PRSS55: variants seen among roughly 807,000 people sequenced by gnomAD.
PRSS55 encodes the protein serine protease 55, also known as probable serine protease UNQ9391/PRO34284.
In PRSS55, 41 loss-of-function variants were observed where a neutral mutation model predicts 23.6. The observed-to-expected ratio is 1.74, with a 90% CI of 1.35 to 2.26. The LOEUF (loss-of-function observed/expected upper bound fraction) is 2.26, where lower values mean the gene tolerates loss of function less well. Among genes scored for constraint, PRSS55 ranks in the 30% most tolerant of loss-of-function variants. The pLI is 0.00. For synonymous variants in PRSS55, 262 were observed against 175.5 expected, an observed-to-expected ratio of 1.49 and a Z score of -3.90; for missense variants, 669 against 439.1, an observed-to-expected ratio of 1.52 and a Z score of -4.68.
rs769284920 is a variant in PRSS55, at chr8:10,531,293, A to G, written c.348-2A>G. On this transcript the variant is annotated splice_acceptor_variant, in intron 2 of 4. Transcript: ENST00000328655. LOFTEE classifies it high-confidence loss of function. ...TGCCCCTCTCTGGTTCTCTGCCACC[A>G]GTCCAGAAGAACTGAGTGTCGTGCT... 13 of 1,612,862 alleles carry G rather than the reference A, an allele frequency of 8.1e-6. No homozygotes were observed. Among genetic ancestry groups the G allele is most frequent in the Admixed American group, 3.3e-5 (2 of 59,996 alleles).
intron 3 of PRSS55, chr8:10,531,754 T>C (rs753241995): frequency 6.4e-6 from 4 of 622,726 alleles, no homozygotes; most frequent in Non-Finnish European, 1.1e-5. Flanking sequence ...TGCAGTCTGA[T>C]CCAGCTAGCA....
intron 2 of PRSS55, 68 bp from the exon 3 acceptor site, chr8:10,531,227 G>A: frequency 1.9e-6 from 3 of 1,586,438 alleles, no homozygotes; most frequent in Non-Finnish European, 8.6e-7. Context: ...TCTGGGCACA[G>A]CCAATTCTGC....
At position 10,531,401 on chromosome 8, in the gene PRSS55, A is replaced by C; in HGVS notation, c.454A>C (p.Asn152His). The C allele has an allele frequency of 6.2e-7, 1 of 1,614,248 alleles. No individual in the cohort carries two copies. Among genetic ancestry groups the C allele is most frequent in the Non-Finnish European group, 8.5e-7 (1 of 1,180,050 alleles). ...IILHKDFKRA[N>H]MDNDIALLLL... ...TCTTCACAAAGACTTTAAGAGAGCCAACATGGACAATGACATTGCCTTGCT... is the reference window on the plus strand; with the variant it reads ...TCTTCACAAAGACTTTAAGAGAGCCCACATGGACAATGACATTGCCTTGCT... Residue 152 changes from asparagine to histidine, a missense_variant, in exon 3 of 5, where the codon AAC becomes CAC. Physicochemically the swap from Asn to His is moderately conservative, Grantham distance 68. Coordinates refer to ENST00000328655, the MANE Select transcript of PRSS55 (RefSeq NM_198464.4).
chr8:10,536,320 T>C (rs1812451570), intron 4 of PRSS55, among the ~76,000 whole-genome samples: 1 of 152,084 alleles, frequency 6.6e-6, no homozygotes, highest in South Asian at 2.1e-4. Context: ...TGAGATATCA[T>C]CCCATACCAG....
downstream of PRSS55, chr8:10,540,708 C>CT: frequency 6.6e-6 from 1 of 152,024 alleles, no homozygotes; most frequent in Non-Finnish European, 1.5e-5. Context: ...AGAGTGAACT[C>CT]TATCTCCAAA....
intron 2 of PRSS55, among the ~76,000 whole-genome samples, chr8:10,529,916 T>A (rs979409976): frequency 6.6e-6 from 1 of 152,174 alleles, no homozygotes; most frequent in Non-Finnish European, 1.5e-5. Flanking sequence ...AGCCAGTGAC[T>A]ACAACCTCCC....
chr8:10,543,457 T>A (rs991885001), downstream of PRSS55, among the ~76,000 whole-genome samples: 2 of 29,998 alleles, frequency 6.7e-5, no homozygotes, highest in Non-Finnish European at 1.9e-4. Context: ...CCTTCCTTCC[T>A]TCCTTCCTTT....
At chr8:10,527,262 G>T (rs576902296) in intron 1 of PRSS55, among the ~76,000 whole-genome samples, 1 of 152,316 alleles carries the variant, frequency 6.6e-6, no homozygotes, top group Non-Finnish European at 1.5e-5. Flanking sequence ...CACCCCTAGC[G>T]TTTAGCTTGT....
intron 4 of PRSS55, among the ~76,000 whole-genome samples, chr8:10,547,806 C>T (rs1812855318): frequency 7.1e-6 from 1 of 141,480 alleles, no homozygotes; most frequent in South Asian, 2.5e-4. Flanking sequence ...CAAACATTTG[C>T]CGAGAGTCTT....
At chr8:10,549,856 GCT>G in intron 4 of PRSS55, among the ~76,000 whole-genome samples, 1 of 152,330 alleles carries the variant, frequency 6.6e-6, no homozygotes, top group Admixed American at 6.5e-5. Context: ...TCCCGGCCTG[GCT>G]CTCAGTCTTT....
intron 3 of PRSS55, 148 bp downstream of exon 3, chr8:10,531,693 T>G (rs1175793248): frequency 1.7e-6 from 2 of 1,189,686 alleles, no homozygotes; most frequent in African/African-American, 3.1e-5. Flanking sequence ...TTAGCTCCTT[T>G]TGGGTGCCGA....
chr8:10,526,991 CAG>C (rs1812047488), intron 1 of PRSS55, among the ~76,000 whole-genome samples: 2 of 152,102 alleles, frequency 1.3e-5, no homozygotes, highest in Non-Finnish European at 2.9e-5. Context: ...GCATCTCAGA[CAG>C]AGAGACAGAG....
chr8:10,538,886 G>C (rs544237705), downstream of PRSS55: 117 of 1,301,806 alleles, frequency 9.0e-5, no homozygotes, highest in South Asian at 1.7e-3. Flanking sequence ...GCTCAAGGAT[G>C]GAAATTGAGG....
exon 5 of PRSS55, chr8:10,554,129 C>T (rs1019496310): frequency 1.4e-6 from 1 of 690,092 alleles, no homozygotes; most frequent in African/African-American, 1.8e-5. Flanking sequence ...TGTTTTCTGT[C>T]CAAATGACTG....
chr8:10,547,601 A>T (rs1812850655), intron 4 of PRSS55: 1 of 152,322 alleles, frequency 6.6e-6, no homozygotes, highest in South Asian at 2.1e-4. Context: ...CCCCGTTAGC[A>T]GGCACTACCC....
intron 4 of PRSS55, among the ~76,000 whole-genome samples, chr8:10,534,752 A>T (rs1304408490): frequency 6.6e-6 from 1 of 152,200 alleles, no homozygotes; most frequent in Non-Finnish European, 1.5e-5. Context: ...AAGGCATCCA[A>T]ATAAGAAGAG....
chr8:10,538,960 G>A (rs1281699271), downstream of PRSS55: 3 of 581,154 alleles, frequency 5.2e-6, no homozygotes, highest in South Asian at 6.7e-5. Flanking sequence ...CTTTGGGTCT[G>A]TGGATTAGTC....
At chr8:10,535,864 C>G (rs1298385273) in intron 4 of PRSS55, among the ~76,000 whole-genome samples, 1 of 152,176 alleles carries the variant, frequency 6.6e-6, no homozygotes, top group Non-Finnish European at 1.5e-5. Context: ...AACAACTCAA[C>G]AAGCAAAAAC....
intron 4 of PRSS55, among the ~76,000 whole-genome samples, chr8:10,544,212 C>A (rs1316972376): frequency 2.6e-5 from 4 of 152,136 alleles, no homozygotes; most frequent in Non-Finnish European, 4.4e-5. Context: ...TTGTTAGATG[C>A]ACGTATGTTT....
Sources: allele counts gnomAD v4.1 joint callset (sites outside exome capture counted in the v4.1 genomes callset), GRCh38; gene constraint gnomAD v4.1.1; transcripts MANE v1.5; gene names NCBI Gene and HGNC (gene_info 2026-07-23, HGNC 2026-07-21).